ERO1A: variants seen among roughly 807,000 people sequenced by gnomAD.
ERO1A encodes endoplasmic reticulum oxidoreductase 1 alpha.
In ERO1A, 49 loss-of-function variants were observed where a neutral mutation model predicts 76.9. The observed-to-expected ratio is 0.64, with a 90% confidence interval of 0.51 to 0.81. The LOEUF is 0.81. Ranked by LOEUF, ERO1A falls within the 30% of genes least tolerant of loss-of-function variation. The probability of loss-of-function intolerance (pLI) is 0.00; values close to 1 mark genes in which losing one functional copy is unlikely to be tolerated. For missense variants in ERO1A, 448 were observed against 542.1 expected (o/e 0.83, Z 1.72); for synonymous variants, 174 against 181.2 (o/e 0.96, Z 0.32).
chr14:52,680,707 A>C (rs1238185683), intron 3 of ERO1A, among the ~76,000 whole-genome samples: 1 of 152,232 alleles, frequency 6.6e-6, no homozygotes, highest in Non-Finnish European at 1.5e-5. Context: ...CACTGTTAAT[A>C]TCACTTTAAT....
chr14:52,677,743 C>G, intron 4 of ERO1A, among the ~76,000 whole-genome samples: 1 of 151,804 alleles, frequency 6.6e-6, no homozygotes, highest in Middle Eastern at 3.4e-3. Context: ...TTTGCCTACA[C>G]TCTCAGCTAC....
intron 7 of ERO1A, among the ~76,000 whole-genome samples, chr14:52,665,399 A>T (rs1181902014): frequency 2.0e-5 from 3 of 152,038 alleles, no homozygotes; most frequent in African/African-American, 7.2e-5. Flanking sequence ...GGCAGAAATA[A>T]GTAATTAATA....
intron 4 of ERO1A, among the ~76,000 whole-genome samples, chr14:52,674,015 T>A (rs573259694): frequency 6.6e-6 from 1 of 152,252 alleles, no homozygotes. Flanking sequence ...TCTTGATTTA[T>A]TAAGGACACT....
intron 13 of ERO1A, among the ~76,000 whole-genome samples, chr14:52,647,479 G>A (rs935603899): frequency 2.6e-5 from 4 of 151,740 alleles, no homozygotes; most frequent in Non-Finnish European, 4.4e-5. Context: ...AAGTACAATC[G>A]AAGCCCCTCA....
intron 4 of ERO1A, among the ~76,000 whole-genome samples, chr14:52,674,702 A>T (rs542181695): frequency 2.6e-5 from 4 of 152,342 alleles, no homozygotes; most frequent in African/African-American, 9.6e-5. Context: ...AATGTTCAAA[A>T]CAGTGGTTGC....
chr14:52,674,982 T>C (rs960018788), intron 4 of ERO1A, among the ~76,000 whole-genome samples: 3 of 152,238 alleles, frequency 2.0e-5, no homozygotes, highest in Non-Finnish European at 4.4e-5. Context: ...GGAGGTATAC[T>C]GATGCCAGCA....
chr14:52,671,606 T>G, intron 6 of ERO1A, 24 bp downstream of exon 6: 4 of 1,534,364 alleles, frequency 2.6e-6, no homozygotes, highest in Non-Finnish European at 3.6e-6. Flanking sequence ...TTAAACACAA[T>G]GCATACTATC....
At chr14:52,695,257 T>C in intron 1 of ERO1A, 111 bp downstream of exon 1, 2 of 665,512 alleles carry the variant, frequency 3.0e-6, no homozygotes, top group Non-Finnish European at 4.3e-6. Context: ...TCATTCCCGG[T>C]GGGAAGAGAT....
intron 3 of ERO1A, among the ~76,000 whole-genome samples, chr14:52,680,726 C>T (rs898280015): frequency 6.6e-6 from 1 of 152,128 alleles, no homozygotes; most frequent in Non-Finnish European, 1.5e-5. Context: ...ATGATATGCT[C>T]ATGCTTTAAT....
chr14:52,663,883 T>C, intron 7 of ERO1A, 36 bp from the exon 8 acceptor site: 1 of 1,187,950 alleles, frequency 8.4e-7, no homozygotes. Context: ...TCAACACAAA[T>C]ATGTTACCAA....
chr14:52,650,836 A>G (rs563487858), intron 13 of ERO1A, among the ~76,000 whole-genome samples: 1 of 152,362 alleles, frequency 6.6e-6, no homozygotes, highest in South Asian at 2.1e-4. Flanking sequence ...AGGCAAATAC[A>G]TACTCAGAGA....
At chr14:52,650,523 T>C (rs1327899980) in intron 13 of ERO1A, among the ~76,000 whole-genome samples, 2 of 151,742 alleles carry the variant, frequency 1.3e-5, no homozygotes, top group Admixed American at 6.6e-5. Context: ...AATATTACTC[T>C]ACAAAGATTC....
intron 4 of ERO1A, among the ~76,000 whole-genome samples, chr14:52,672,730 C>T (rs556506831): frequency 6.7e-6 from 1 of 149,892 alleles, no homozygotes; most frequent in Admixed American, 6.7e-5. Flanking sequence ...TATAATCTTA[C>T]CACTGCATTC....
At chr14:52,692,922 G>A (rs1004312810) in intron 1 of ERO1A, among the ~76,000 whole-genome samples, 1 of 147,432 alleles carries the variant, frequency 6.8e-6, no homozygotes, top group East Asian at 2.0e-4. Context: ...CTTCTCCCCC[G>A]ATCCTCATCC....
At chr14:52,691,692 T>G (rs186109856) in intron 1 of ERO1A, among the ~76,000 whole-genome samples, 5 of 152,368 alleles carry the variant, frequency 3.3e-5, no homozygotes, top group African/African-American at 1.2e-4. Flanking sequence ...TTTTGGACTC[T>G]GAGCTACTCT....
At chr14:52,677,686 C>CT (rs1311588233) in intron 4 of ERO1A, among the ~76,000 whole-genome samples, 2 of 151,350 alleles carry the variant, frequency 1.3e-5, no homozygotes, top group Admixed American at 6.6e-5. Flanking sequence ...TGGCAAGACT[C>CT]TATCTCTACA....
At chr14:52,682,200 C>T (rs1000868735) in intron 3 of ERO1A, 125 bp downstream of exon 3, 60 of 687,352 alleles carry the variant, frequency 8.7e-5, no homozygotes, top group Admixed American at 1.2e-4. Context: ...TCAAGACCAA[C>T]CTGGGCAACA....
chr14:52,684,118 G>GACACAC (rs60355765), intron 1 of ERO1A, among the ~76,000 whole-genome samples: 1,347 of 134,554 alleles, frequency 0.01, 16 homozygotes, highest in African/African-American at 0.03. Flanking sequence ...CAGAGCTCAT[G>GACACAC]ACACACACAC....
rs545276320 is a variant in ERO1A at position 52,670,592 on chromosome 14, C to T, written c.508+1038G>A. Among the ~76,000 whole-genome samples the T allele has an allele frequency of 8.5e-5, 13 of 152,288 alleles. No homozygotes were observed. In the South Asian group the frequency reaches 2.1e-3, roughly 24 times the overall value. On this transcript the variant is annotated intron_variant, in intron 6 of 15. Transcript: ENST00000395686. The stretch of plus-strand genomic sequence containing the variant: ...CTCCTAGCTTTTAACAGCAGCAGCA[C>T]TCTGGCTTAACTTCAGACATCACAG...
Sources: allele counts gnomAD v4.1 joint callset (sites outside exome capture counted in the v4.1 genomes callset), GRCh38; gene constraint gnomAD v4.1.1; transcripts MANE v1.5; gene names NCBI Gene and HGNC (gene_info 2026-07-23, HGNC 2026-07-21).